Variants in RAD54B observed in about 807,000 individuals in gnomAD.
RAD54B encodes DNA repair and recombination protein RAD54B.
In RAD54B, 78 loss-of-function variants were observed where a neutral mutation model predicts 95.8. That is an observed-to-expected ratio of 0.81 (90% CI 0.68 to 0.98). The LOEUF (loss-of-function observed/expected upper bound fraction) is 0.98, where lower values mean the gene tolerates loss of function less well. Ranked by LOEUF, RAD54B falls within the 50% of genes least tolerant of loss-of-function variation. The pLI, the probability that RAD54B is intolerant of heterozygous loss-of-function variation, is 0.00. For missense variants in RAD54B, 957 were observed against 1,056.6 expected, an observed-to-expected ratio of 0.91 and a Z score of 1.31; for synonymous variants, 328 against 354.9, an observed-to-expected ratio of 0.92 and a Z score of 0.85.
At chr8:94,430,333 T>C in intron 3 of RAD54B, 1 of 977,008 alleles carries the variant, frequency 1.0e-6, no homozygotes, top group Non-Finnish European at 1.2e-6. Flanking sequence ...AAAAAGTATT[T>C]AATGTAATTC....
intron 3 of RAD54B, among the ~76,000 whole-genome samples, chr8:94,411,599 A>T (rs1274275100): frequency 6.6e-6 from 1 of 152,062 alleles, no homozygotes; most frequent in African/African-American, 2.4e-5. Flanking sequence ...AACATTTTAA[A>T]ACTCTAAAAA....
intron 8 of RAD54B, among the ~76,000 whole-genome samples, chr8:94,398,784 C>T (rs1036175088): frequency 6.6e-6 from 1 of 152,000 alleles, no homozygotes; most frequent in Non-Finnish European, 1.5e-5. Flanking sequence ...CCAGTCTAGG[C>T]CTTAAATAAA....
chr8:94,380,467 T>C (rs1810712070), intron 11 of RAD54B, 61 bp from the exon 12 acceptor site: 1 of 1,476,128 alleles, frequency 6.8e-7, no homozygotes, highest in Non-Finnish European at 9.1e-7. Flanking sequence ...ATTTTCTTAG[T>C]TGAAAGAAAA....
At chr8:94,428,877 G>C (rs1425239826) in intron 3 of RAD54B, 1 of 985,078 alleles carries the variant, frequency 1.0e-6, no homozygotes, top group African/African-American at 1.7e-5. Context: ...AAAAGGTTTG[G>C]TTCCAAATTA....
At chr8:94,429,835 A>C (rs775854315) in intron 3 of RAD54B, 127 of 985,308 alleles carry the variant, frequency 1.3e-4, no homozygotes, top group Non-Finnish European at 1.1e-4. Flanking sequence ...CAACATGCTA[A>C]AATAGTACCT....
chr8:94,380,480 C>T (rs1414877102), intron 11 of RAD54B, 74 bp from the exon 12 acceptor site: 1 of 1,378,418 alleles, frequency 7.3e-7, no homozygotes, highest in Admixed American at 2.3e-5. Context: ...AAAGAAAATA[C>T]CACAATAATA....
intron 11 of RAD54B, among the ~76,000 whole-genome samples, chr8:94,382,007 C>G (rs1342905171): frequency 2.0e-5 from 3 of 150,866 alleles, no homozygotes; most frequent in South Asian, 2.1e-4. Flanking sequence ...CCAGCTACTC[C>G]GGAGGCTGAA....
At chr8:94,429,964 C>T in intron 3 of RAD54B, 2 of 985,194 alleles carry the variant, frequency 2.0e-6, no homozygotes, top group Non-Finnish European at 2.4e-6. Flanking sequence ...TCAAATTAGC[C>T]CTCTAATTCA....
chr8:94,429,091 T>C (rs989664926), intron 3 of RAD54B: 9 of 985,246 alleles, frequency 9.1e-6, no homozygotes, highest in Non-Finnish European at 1.1e-5. Context: ...AAAAACAAGA[T>C]TGACTTGGAA....
chr8:94,434,416 C>T (rs1207487784), intron 3 of RAD54B, among the ~76,000 whole-genome samples: 1 of 151,666 alleles, frequency 6.6e-6, no homozygotes, highest in Non-Finnish European at 1.5e-5. Context: ...CTTTGAAGAT[C>T]AGTTTACAAA....
chr8:94,435,733 G>A (rs1812237632), intron 3 of RAD54B, among the ~76,000 whole-genome samples: 1 of 151,810 alleles, frequency 6.6e-6, no homozygotes. Context: ...TGCTCTTAGG[G>A]GTATTTTAAA....
At chr8:94,446,104 T>C (rs1462049803) in intron 3 of RAD54B, among the ~76,000 whole-genome samples, 1 of 152,202 alleles carries the variant, frequency 6.6e-6, no homozygotes, top group East Asian at 1.9e-4. Flanking sequence ...GTAGTGTATT[T>C]TAAAGTCTTT....
intron 10 of RAD54B, among the ~76,000 whole-genome samples, chr8:94,389,847 T>G (rs1356464739): frequency 6.6e-6 from 1 of 152,184 alleles, no homozygotes; most frequent in African/African-American, 2.4e-5. Context: ...TGCCTATTAT[T>G]AGTGACTGCA....
chr8:94,386,375 G>A (rs981258724), intron 11 of RAD54B, among the ~76,000 whole-genome samples: 18 of 152,102 alleles, frequency 1.2e-4, no homozygotes, highest in Admixed American at 4.6e-4. Context: ...ACATGGTTTT[G>A]GACCTGGGAA....
chr8:94,386,165 C>T (rs1810885845), intron 11 of RAD54B, among the ~76,000 whole-genome samples: 1 of 151,928 alleles, frequency 6.6e-6, no homozygotes, highest in African/African-American at 2.4e-5. Flanking sequence ...AGAATCAAAA[C>T]AAAAATCTTG....
chr8:94,422,265 CTAAA>C (rs1217841853), intron 3 of RAD54B, among the ~76,000 whole-genome samples: 1 of 151,944 alleles, frequency 6.6e-6, no homozygotes, highest in Non-Finnish European at 1.5e-5. Flanking sequence ...TACATTTTGA[CTAAA>C]TGTTTATAAA....
At chr8:94,453,504 G>A (rs1042708952) in intron 3 of RAD54B, among the ~76,000 whole-genome samples, 5 of 152,106 alleles carry the variant, frequency 3.3e-5, no homozygotes, top group Admixed American at 6.5e-5. Context: ...ACTCCGGCCT[G>A]GGTGACAGAG....
intron 5 of RAD54B, among the ~76,000 whole-genome samples, chr8:94,405,595 G>A (rs1586141836): frequency 6.6e-6 from 1 of 152,148 alleles, no homozygotes; most frequent in African/African-American, 2.4e-5. Context: ...GTAAAAATGG[G>A]AAATGTAGTC....
intron 12 of RAD54B, among the ~76,000 whole-genome samples, chr8:94,379,420 G>T (rs1810680494): frequency 6.6e-6 from 1 of 152,202 alleles, no homozygotes; most frequent in African/African-American, 2.4e-5. Context: ...AATGCCGACA[G>T]AATTAAGTGT....
Sources: gnomAD v4.1 joint callset for allele counts (sites outside exome capture counted in the v4.1 genomes callset) on GRCh38, gnomAD v4.1.1 for gene constraint, MANE v1.5 for transcripts, NCBI Gene and HGNC (gene_info 2026-07-23, HGNC 2026-07-21) for gene names.